The following ABCC9 variants were observed in gnomAD, a reference collection of about 807,000 sequenced individuals.
The protein encoded by ABCC9 is ATP-binding cassette sub-family C member 9.
In ABCC9, 95 loss-of-function variants were observed where a neutral mutation model predicts 188.3. The ratio of observed to expected loss-of-function variants is 0.50; its 90% CI spans 0.43 to 0.60. The LOEUF (loss-of-function observed/expected upper bound fraction) is 0.60, where lower values mean the gene tolerates loss of function less well. ABCC9 is among the 20% of genes least tolerant of loss of function. ABCC9 has a pLI of 0.00. For missense variants in ABCC9, 1,102 were observed against 1,876.3 expected, an observed-to-expected ratio of 0.59 and a Z score of 7.62; for synonymous variants, 659 against 652.7, an observed-to-expected ratio of 1.01 and a Z score of -0.15.
Position 21,812,135 on chromosome 12 carries a change from T to C in ABCC9, c.4125A>G (p.Ile1375Met). 1 of 1,611,808 alleles carries C rather than the reference T, an allele frequency of 6.2e-7. No individual in the cohort carries two copies. Among genetic ancestry groups the C allele is most frequent in the Non-Finnish European group, 8.5e-7 (1 of 1,178,042 alleles). ...TGTGCAGTGGTAATTTGGAAATGTCTATCCCATCAATGACAATTTTTCCTG... is the reference window on the plus strand; with the variant it reads ...TGTGCAGTGGTAATTTGGAAATGTCCATCCCATCAATGACAATTTTTCCTG... The part of the protein sequence containing the change: ...IFDGKIVIDG[I>M]DISKLPLHTL... Residue 1375 changes from isoleucine to methionine, a missense_variant, in exon 36 of 40, where the codon ATA becomes ATG. Coordinates refer to ENST00000261200, the MANE Select transcript of ABCC9 (RefSeq NM_020297.4).
Position 21,807,445 on chromosome 12 carries a change from G to A in ABCC9, c.4350C>T (p.Ser1450=). Residue 1450 remains serine, a synonymous_variant, in exon 38 of 40, where the codon AGC becomes AGT. Transcript: ENST00000261200. ...GGCAAAATAGCTGTCTCTGTCCAAC[G>A]CTAAAATTCTCCCCACCTTCAGTGA... ...AVVTEGGENF[S]VGQRQLFCLA... 1 of 1,613,892 alleles carries A rather than the reference G, an allele frequency of 6.2e-7. No homozygotes were observed. Among genetic ancestry groups the A allele is most frequent in the Non-Finnish European group, 8.5e-7 (1 of 1,179,842 alleles).
chr12:21,872,236 T>C (rs1946118897), intron 18 of ABCC9, among the ~76,000 whole-genome samples: 1 of 152,256 alleles, frequency 6.6e-6, no homozygotes, highest in Admixed American at 6.5e-5. Context: ...ATTTCTTCTC[T>C]GAACATTGAA....
chr12:21,842,585 G>A (rs1944450528), intron 28 of ABCC9, 114 bp from the exon 29 acceptor site: 2 of 1,013,332 alleles, frequency 2.0e-6, no homozygotes, highest in Admixed American at 1.8e-5. Context: ...CCAAAGTAGT[G>A]TATAAGCATG....
Position 21,816,064 on chromosome 12 carries a change from T to G in ABCC9, c.3893-171A>C, listed in dbSNP as rs1230917362. 3.9e-5 allele frequency among the ~76,000 whole-genome samples: 5 copies of G among 127,894 alleles called. 1 individual carries two copies. The highest frequency in any genetic ancestry group is 1.1e-4 in the African/African-American group (3 of 28,512). 83.9% of individuals were successfully genotyped at this position (127,894 alleles called of 152,430 possible). A position where few individuals can be genotyped will look rare whatever the true frequency, so the allele number is the denominator to read the frequency against. The stretch of plus-strand genomic sequence containing the variant: ...TTTTTTTTTTTTTTTTTTTTTTTTT[T>G]TTTTTTTTTTTTTTTTAGTTTAAAT... On this transcript the variant is annotated intron_variant, in intron 33 of 39. Transcript: ENST00000261200.
At chr12:21,808,535 C>T (rs1025501326) in intron 37 of ABCC9, among the ~76,000 whole-genome samples, 11 of 152,042 alleles carry the variant, frequency 7.2e-5, no homozygotes, top group Non-Finnish European at 1.6e-4. Flanking sequence ...TCTCTAAATG[C>T]CAAGAGAGAA....
chr12:21,862,937 A>G lies in ABCC9; in HGVS notation c.2339+16T>C, dbSNP rs375385471. Reference sequence around the variant, plus strand: ...AGTTGCCATTTTGGTTCTAAATTTTATATGCTCAAAATTACCTCTGTTTGT... The same window carrying G: ...AGTTGCCATTTTGGTTCTAAATTTTGTATGCTCAAAATTACCTCTGTTTGT... On this transcript the variant is annotated intron_variant, in intron 20 of 39. Transcript: ENST00000261200. The G allele has an allele frequency of 5.2e-6, 8 of 1,538,988 alleles. No individual in the cohort carries two copies. The highest frequency in any genetic ancestry group is 3.4e-5 in the South Asian group (3 of 89,510).
In ABCC9 at chr12:21,884,741, C is replaced by A. The variant is rs181474999; in HGVS notation, c.1912-1868G>T. On this transcript the variant is annotated intron_variant, in intron 15 of 39. Transcript: ENST00000261200. Reference sequence around the variant, plus strand: ...AAAAGATTAGAAAGTAAGACACTAGCAGTGGTTCTGTCACACAGAAAATAC... The same window carrying A: ...AAAAGATTAGAAAGTAAGACACTAGAAGTGGTTCTGTCACACAGAAAATAC... Among the ~76,000 whole-genome samples, 361 of 151,638 alleles carry A rather than the reference C, an allele frequency of 2.4e-3. 1 individual carries two copies. Among genetic ancestry groups the A allele is most frequent in the Middle Eastern group, 0.014 (4 of 292 alleles).
At chr12:21,911,134 A>T (rs1323406698) in intron 8 of ABCC9, among the ~76,000 whole-genome samples, 156 bp from the exon 9 acceptor site, 3 of 151,974 alleles carry the variant, frequency 2.0e-5, no homozygotes, top group African/African-American at 7.2e-5. Context: ...AGGTAAATCC[A>T]TAAAATCCCT....
chr12:21,888,372 TA>T (rs1946986451), intron 14 of ABCC9, among the ~76,000 whole-genome samples: 1 of 152,094 alleles, frequency 6.6e-6, no homozygotes, highest in Non-Finnish European at 1.5e-5. Flanking sequence ...GTAACCTGCC[TA>T]AAACCATTTA....
intron 2 of ABCC9, among the ~76,000 whole-genome samples, chr12:21,937,443 C>T (rs1356171877): frequency 2.0e-5 from 3 of 152,102 alleles, no homozygotes; most frequent in Non-Finnish European, 4.4e-5. Flanking sequence ...GACAAGGTCA[C>T]ACTGTGCTTT....
At chr12:21,822,196 T>C (rs1943074962) in intron 31 of ABCC9, among the ~76,000 whole-genome samples, 1 of 152,138 alleles carries the variant, frequency 6.6e-6, no homozygotes, top group Admixed American at 6.5e-5. Context: ...CAAAGTTATT[T>C]TATTATAAAA....
At chr12:21,801,253 T>G in intron 39 of ABCC9, 72 bp from the exon 40 acceptor site, 1 of 1,584,140 alleles carries the variant, frequency 6.3e-7, no homozygotes, top group South Asian at 1.1e-5. Flanking sequence ...AATATGTATA[T>G]TTCATGAATT....
rs2065495286 is a variant in ABCC9 at position 21,906,232 on chromosome 12, A to G, written c.1512T>C (p.Leu504=). The change falls in exon 12 of 40, where the codon CTT becomes CTC. Residue 504 remains leucine, a synonymous_variant. Transcript: ENST00000261200. ...KTNEILKGIK[L]LKLYAWEHIF... ...TGTGTTCCCAGGCATACAATTTTAG[A>G]AGTTTGATGCCTTTCAATATTTCAT... 6.2e-7 allele frequency: 1 copy of G among 1,612,848 alleles called. No individual in the cohort carries two copies. Among genetic ancestry groups the G allele is most frequent in the African/African-American group, 1.3e-5 (1 of 74,862 alleles).
intron 16 of ABCC9, among the ~76,000 whole-genome samples, chr12:21,882,557 GA>G (rs1223371482): frequency 1.3e-5 from 2 of 152,160 alleles, no homozygotes; most frequent in African/African-American, 4.8e-5. Context: ...TCTGGTTATT[GA>G]AATGTGCTGC....
At chr12:21,829,346 C>G (rs572501048) in intron 30 of ABCC9, among the ~76,000 whole-genome samples, 5 of 151,678 alleles carry the variant, frequency 3.3e-5, no homozygotes, top group African/African-American at 4.8e-5. Flanking sequence ...GGACTACAGG[C>G]ACCCGCCACC....
intron 31 of ABCC9, among the ~76,000 whole-genome samples, chr12:21,827,575 C>T (rs1175893509): frequency 6.7e-6 from 1 of 150,120 alleles, no homozygotes; most frequent in Non-Finnish European, 1.5e-5. Context: ...CACACACTCA[C>T]ATATCAAAAC....
intron 37 of ABCC9, 111 bp from the exon 38 acceptor site, chr12:21,807,590 T>G: frequency 1.4e-6 from 2 of 1,443,610 alleles, no homozygotes; most frequent in Non-Finnish European, 1.9e-6. Flanking sequence ...TGGATATCAC[T>G]TAGTGCTGGT....
chr12:21,863,076 A>G lies in ABCC9; in HGVS notation c.2238-22T>C, dbSNP rs1308872673. On this transcript the variant is annotated intron_variant, in intron 19 of 39. Coordinates refer to ENST00000261200, the MANE Select transcript of ABCC9 (RefSeq NM_020297.4). ...CCTACTGAAAAATGAAAAAGAAAAA[A>G]AAAAACACCAGGATTATGCAAAGGT... is the stretch of plus-strand genomic sequence containing the variant. The G allele has an allele frequency of 2.0e-6, 3 of 1,502,818 alleles. No homozygotes were observed. The East Asian group carries it at 6.8e-5, about 34-fold the overall frequency. The allele number at this position is 1,502,818 out of a possible 1,614,324, so 93.1% of individuals were successfully genotyped here. A position where few individuals can be genotyped will look rare whatever the true frequency, so the allele number is the denominator to read the frequency against.
chr12:21,941,127 C>T lies in ABCC9; in HGVS notation c.-137+73G>A, dbSNP rs1242935930. The T allele has an allele frequency of 6.6e-6, 1 of 152,212 alleles. No individual in the cohort carries two copies. Among genetic ancestry groups the T allele is most frequent in the African/African-American group, 2.4e-5 (1 of 41,442 alleles). The allele number at this position is 152,212 out of a possible 1,614,324, so 9.4% of individuals were successfully genotyped here. On this transcript the variant is annotated intron_variant, in intron 1 of 39. Coordinates refer to ENST00000261200, the MANE Select transcript of ABCC9 (RefSeq NM_020297.4). This position sits in a 1 kb window ranked among gnomAD's most constrained non-coding sequence, Gnocchi z 5.4. ...TTTTTGGATAGCAGAAATGTTAGCT[C>T]AAAATCGACAACTTACAGTTATTCC...
Sources: allele counts gnomAD v4.1 joint callset (sites outside exome capture counted in the v4.1 genomes callset), GRCh38; gene constraint gnomAD v4.1.1; non-coding constraint Gnocchi (gnomAD v3.1); transcripts MANE v1.5; gene names NCBI Gene and HGNC (gene_info 2026-07-23, HGNC 2026-07-21).